Variants in FAT3 observed in about 807,000 individuals in gnomAD.
The protein encoded by FAT3 is protocadherin Fat 3.
In FAT3, 95 loss-of-function variants were observed where a neutral mutation model predicts 310.2. The observed-to-expected ratio is 0.31, with a 90% CI of 0.26 to 0.36. The LOEUF is 0.36. FAT3 is among the 10% of genes least tolerant of loss of function. The pLI is 1.00. For missense variants in FAT3, 5,408 were observed against 5,715.6 expected (o/e 0.95, Z 1.74); for synonymous variants, 2,314 against 2,192.9 (o/e 1.06, Z -1.54).
intron 3 of FAT3, among the ~76,000 whole-genome samples, chr11:92,686,616 T>C (rs1213411983): frequency 6.6e-6 from 1 of 152,124 alleles, no homozygotes. Context: ...CTGGAAAATA[T>C]GTGGGTTTTT....
chr11:92,557,835 T>A (rs1004223033), intron 3 of FAT3, among the ~76,000 whole-genome samples: 7 of 152,214 alleles, frequency 4.6e-5, no homozygotes, highest in African/African-American at 1.7e-4. Flanking sequence ...AGAAATGTTC[T>A]GAATTTAATA....
intron 2 of FAT3, among the ~76,000 whole-genome samples, chr11:92,451,787 T>C (rs1951358196): frequency 6.6e-6 from 1 of 152,150 alleles, no homozygotes; most frequent in African/African-American, 2.4e-5. Context: ...GAAAGTTAAT[T>C]GTAGGCTACA....
chr11:92,663,867 T>A (rs1942871975), intron 3 of FAT3, among the ~76,000 whole-genome samples: 1 of 152,216 alleles, frequency 6.6e-6, no homozygotes, highest in Admixed American at 6.5e-5. Flanking sequence ...GAGATGAGCT[T>A]ATGTAACTTT....
chr11:92,291,112 CACACAT>C (rs1417816784), intron 1 of FAT3, among the ~76,000 whole-genome samples: 23 of 151,242 alleles, frequency 1.5e-4, no homozygotes, highest in East Asian at 1.2e-3. Context: ...CACACACACA[CACACAT>C]GCACGCGCGC....
intron 1 of FAT3, among the ~76,000 whole-genome samples, chr11:92,331,731 T>C (rs1270308101): frequency 6.6e-6 from 1 of 152,236 alleles, no homozygotes; most frequent in East Asian, 1.9e-4. Flanking sequence ...TTTCTTGTTT[T>C]TTAAACGGAA....
At chr11:92,654,215 T>G (rs2135771081) in intron 3 of FAT3, among the ~76,000 whole-genome samples, 1 of 152,300 alleles carries the variant, frequency 6.6e-6, no homozygotes, top group South Asian at 2.1e-4. Flanking sequence ...CAATCTGGTT[T>G]CCCATTAATT....
chr11:92,746,553 C>T (rs1200745389), intron 4 of FAT3, among the ~76,000 whole-genome samples: 3 of 152,190 alleles, frequency 2.0e-5, no homozygotes, highest in Non-Finnish European at 4.4e-5. Flanking sequence ...CATGTCCTCA[C>T]ATTTCAAAAC....
intron 2 of FAT3, among the ~76,000 whole-genome samples, chr11:92,507,781 C>A (rs552795600): frequency 1.3e-4 from 19 of 151,888 alleles, no homozygotes; most frequent in African/African-American, 4.3e-4. Flanking sequence ...ATACACACAT[C>A]CTATATAACA....
At chr11:92,790,526 G>C (rs537639458) in intron 8 of FAT3, among the ~76,000 whole-genome samples, 85 of 152,280 alleles carry the variant, frequency 5.6e-4, no homozygotes, top group Non-Finnish European at 3.8e-4. Context: ...TCTGGGGTTG[G>C]TTTGCACCCA....
rs551951512 is a variant in FAT3 at position 92,360,909 on chromosome 11, A to G, written c.3292+5505A>G. Among the ~76,000 whole-genome samples, 16 of 152,330 alleles carry G rather than the reference A, an allele frequency of 1.1e-4. No individual in the cohort carries two copies. The South Asian group carries it at 3.3e-3, about 32-fold the overall frequency. ...GAGCTGAGATTTGAACTCTAGTGTA[A>G]TGGACTCAAAATTTCATGTTATTGT... On this transcript the variant is annotated intron_variant, in intron 2 of 27. Coordinates refer to ENST00000525166, the MANE Select transcript of FAT3 (RefSeq NM_001367949.2).
intron 2 of FAT3, among the ~76,000 whole-genome samples, chr11:92,507,225 G>A (rs1953131251): frequency 6.6e-6 from 1 of 152,160 alleles, no homozygotes; most frequent in Admixed American, 6.6e-5. Context: ...CATTTAATGG[G>A]ATGAAATGTG....
intron 1 of FAT3, among the ~76,000 whole-genome samples, chr11:92,242,458 CT>C (rs532030954): frequency 2.0e-5 from 3 of 151,528 alleles, no homozygotes; most frequent in Non-Finnish European, 2.9e-5. Context: ...TTAGAACCAC[CT>C]TTTTTTTGGT....
In FAT3 at chr11:92,797,857, A is replaced by T; in HGVS notation, c.4844A>T (p.Lys1615Met). The T allele has an allele frequency of 6.2e-7, 1 of 1,612,110 alleles. No homozygotes were observed. Reference sequence around the variant, plus strand: ...TTAGGGAACACTGGGAACATGTTTAAGATCGAACCGGTCCTAGGCATCATC... The same window carrying T: ...TTAGGGAACACTGGGAACATGTTTATGATCGAACCGGTCCTAGGCATCATC... ...IEAGNTGNMF[K>M]IEPVLGIITI... Residue 1615 changes from lysine to methionine, a missense_variant, in exon 10 of 28, where the codon AAG becomes ATG. Physicochemically the swap from Lys to Met is moderately conservative, Grantham distance 95. This residue lies in a region of FAT3 where 4,588 missense variants were observed against 4,809.8 expected (regional missense o/e 0.95). Transcript: ENST00000525166.
intron 2 of FAT3, among the ~76,000 whole-genome samples, chr11:92,506,411 AT>A (rs1467136845): frequency 2.6e-5 from 4 of 152,122 alleles, no homozygotes; most frequent in African/African-American, 9.7e-5. Context: ...CCACAATACC[AT>A]TCTCATGCAT....
chr11:92,576,329 C>T (rs552938188), intron 3 of FAT3, among the ~76,000 whole-genome samples: 7 of 152,254 alleles, frequency 4.6e-5, no homozygotes, highest in African/African-American at 1.7e-4. Context: ...ATGACCTTGA[C>T]TGTGTCATTA....
At chr11:92,835,438 CTTTT>C (rs1948380861) in intron 15 of FAT3, among the ~76,000 whole-genome samples, 1 of 151,886 alleles carries the variant, frequency 6.6e-6, no homozygotes, top group Non-Finnish European at 1.5e-5. Flanking sequence ...GGAATATATT[CTTTT>C]TTTCTTTTTT....
chr11:92,501,663 T>C lies in FAT3; in HGVS notation c.3293-22971T>C, dbSNP rs563568343. ...TCTTTCTCTCTTCTTTGTCTTTTTG[T>C]TGGGCTTTTTTCTAATATGAATTTC... is the stretch of plus-strand genomic sequence containing the variant. On this transcript the variant is annotated intron_variant, in intron 2 of 27. Transcript: ENST00000525166. 2.7e-4 allele frequency among the ~76,000 whole-genome samples: 41 copies of C among 152,078 alleles called. No homozygotes were observed. In the South Asian group the frequency reaches 7.9e-3, roughly 29 times the overall value.
chr11:92,353,515 A>G lies in FAT3; in HGVS notation c.1403A>G (p.His468Arg). 1 of 1,613,622 alleles carries G rather than the reference A, an allele frequency of 6.2e-7. No homozygotes were observed. The highest frequency in any genetic ancestry group is 8.5e-7 in the Non-Finnish European group (1 of 1,179,774). ...ATCAGCATAGAAGATGCAAATGACC[A>G]CACCCCAGAATTTCAGCAACCACTG... ...VTISIEDAND[H>R]TPEFQQPLYD... is the part of the protein sequence containing the mutation. The change falls in exon 2 of 28, where the codon CAC (histidine) becomes CGC (arginine). Residue 468 changes from histidine to arginine, a missense_variant. Around this residue, in one of 5 missense-constraint regions of FAT3, gnomAD observed 4,588 missense variants for 4,809.8 expected, o/e 0.95. Coordinates refer to ENST00000525166, the MANE Select transcript of FAT3 (RefSeq NM_001367949.2).
intron 2 of FAT3, among the ~76,000 whole-genome samples, chr11:92,486,942 G>A (rs2135218310): frequency 6.6e-6 from 1 of 152,204 alleles, no homozygotes; most frequent in East Asian, 1.9e-4. Flanking sequence ...TCAAATATTG[G>A]GGAGCCTAAC....
Sources: gnomAD v4.1 joint callset for allele counts (sites outside exome capture counted in the v4.1 genomes callset) on GRCh38, gnomAD v4.1.1 for gene constraint, gnomAD v4.1.1 regional missense constraint, MANE v1.5 for transcripts, NCBI Gene and HGNC (gene_info 2026-07-23, HGNC 2026-07-21) for gene names.